Variants in CELF4 observed in about 807,000 individuals in gnomAD.
CELF4 encodes the protein CUGBP Elav-like family member 4.
In CELF4, 18 loss-of-function variants were observed where a neutral mutation model predicts 59.9. The observed-to-expected ratio is 0.30, with a 90% CI of 0.21 to 0.45. The LOEUF (loss-of-function observed/expected upper bound fraction) is 0.45, where lower values mean the gene tolerates loss of function less well. Among genes scored for constraint, CELF4 ranks in the 20% least tolerant of loss-of-function variants. CELF4 has a pLI of 1.00. For missense variants in CELF4, 456 were observed against 689.0 expected (o/e 0.66, Z 3.79); for synonymous variants, 261 against 267.1 (o/e 0.98, Z 0.22).
intron 2 of CELF4, among the ~76,000 whole-genome samples, chr18:37,427,390 C>T (rs909108487): frequency 6.6e-6 from 1 of 152,166 alleles, no homozygotes; most frequent in Admixed American, 6.5e-5. Flanking sequence ...CCCAGCTCTC[C>T]CCAGGGCTGC....
intron 1 of CELF4, among the ~76,000 whole-genome samples, chr18:37,540,254 C>T (rs2099976825): frequency 6.6e-6 from 1 of 152,248 alleles, no homozygotes; most frequent in South Asian, 2.1e-4. Context: ...AGGGTCCTCC[C>T]GTCCACTGGC....
chr18:37,252,295 T>C (rs747704867), intron 12 of CELF4, among the ~76,000 whole-genome samples: 3 of 152,106 alleles, frequency 2.0e-5, no homozygotes, highest in Non-Finnish European at 2.9e-5. Context: ...ACCTAGAAAT[T>C]AATTCCTTCA....
At chr18:37,426,338 G>A (rs1441022027) in intron 2 of CELF4, among the ~76,000 whole-genome samples, 1 of 152,270 alleles carries the variant, frequency 6.6e-6, no homozygotes, top group East Asian at 1.9e-4. Flanking sequence ...GCATTGACCT[G>A]GGTGCCTGCC....
chr18:37,416,680 A>G (rs191702809), intron 2 of CELF4, among the ~76,000 whole-genome samples: 257 of 152,282 alleles, frequency 1.7e-3, no homozygotes, highest in Non-Finnish European at 2.4e-3. Flanking sequence ...CTTCTCATGC[A>G]TCAAGCCCAG....
At chr18:37,257,752 C>T (rs1490683473) in intron 11 of CELF4, among the ~76,000 whole-genome samples, 1 of 152,140 alleles carries the variant, frequency 6.6e-6, no homozygotes, top group Non-Finnish European at 1.5e-5. Flanking sequence ...GGGGGTCAGC[C>T]TGGAGATACT....
At chr18:37,467,974 T>A (rs183266685) in intron 2 of CELF4, among the ~76,000 whole-genome samples, 1 of 151,974 alleles carries the variant, frequency 6.6e-6, no homozygotes, top group South Asian at 2.1e-4. Flanking sequence ...CTCTGTTGTG[T>A]GTATGTGCGT....
At chr18:37,304,211 G>A (rs534451012) in intron 3 of CELF4, among the ~76,000 whole-genome samples, 2 of 152,196 alleles carry the variant, frequency 1.3e-5, no homozygotes, top group East Asian at 1.9e-4. Flanking sequence ...ATTCTTTGCC[G>A]GAAGCATCGC....
intron 2 of CELF4, among the ~76,000 whole-genome samples, chr18:37,354,399 G>A (rs960883075): frequency 3.3e-5 from 5 of 152,120 alleles, no homozygotes; most frequent in Admixed American, 2.6e-4. Context: ...GGTGGGGGGC[G>A]CAGAGGGCCT....
chr18:37,444,832 T>A (rs181735143), intron 2 of CELF4, among the ~76,000 whole-genome samples: 33 of 152,246 alleles, frequency 2.2e-4, no homozygotes, highest in Non-Finnish European at 3.7e-4. Context: ...CGGAGTAAGA[T>A]TCTGAGAGAC....
intron 2 of CELF4, among the ~76,000 whole-genome samples, chr18:37,460,495 AAC>A (rs2154602126): frequency 6.6e-6 from 1 of 152,298 alleles, no homozygotes; most frequent in East Asian, 1.9e-4. Flanking sequence ...CAGCTTGTGG[AAC>A]ACAGAATGGT....
At chr18:37,394,853 C>A (rs2099220977) in intron 2 of CELF4, among the ~76,000 whole-genome samples, 1 of 152,126 alleles carries the variant, frequency 6.6e-6, no homozygotes, top group Admixed American at 6.5e-5. Flanking sequence ...CTCCTAGGCC[C>A]TAGGCTGTGT....
intron 2 of CELF4, among the ~76,000 whole-genome samples, chr18:37,381,820 T>C (rs887819203): frequency 9.9e-5 from 15 of 152,144 alleles, no homozygotes; most frequent in Admixed American, 7.2e-4. Flanking sequence ...TGAGAATTCC[T>C]AGCAAGTTCC....
chr18:37,298,477 T>C (rs369917804), intron 3 of CELF4, among the ~76,000 whole-genome samples: 1 of 152,158 alleles, frequency 6.6e-6, no homozygotes, highest in East Asian at 1.9e-4. Context: ...CCCAGCACTT[T>C]GGGAGGCCGA....
At chr18:37,511,644 G>T (rs913159127) in intron 1 of CELF4, among the ~76,000 whole-genome samples, 1 of 151,780 alleles carries the variant, frequency 6.6e-6, no homozygotes, top group African/African-American at 2.4e-5. Context: ...TTCTTCATCT[G>T]TGCATCCATG....
chr18:37,473,587 G>A (rs931864442), intron 2 of CELF4: 4 of 152,362 alleles, frequency 2.6e-5, no homozygotes, highest in African/African-American at 4.8e-5. Flanking sequence ...AACATGCAGA[G>A]TTAGCAGTGC....
chr18:37,463,982 C>A (rs1226087002), intron 2 of CELF4, among the ~76,000 whole-genome samples: 1 of 152,132 alleles, frequency 6.6e-6, no homozygotes, highest in African/African-American at 2.4e-5. Context: ...GTATACCACA[C>A]CTGCCACCCG....
intron 2 of CELF4, among the ~76,000 whole-genome samples, chr18:37,325,028 G>A (rs946872678): frequency 5.3e-5 from 8 of 152,148 alleles, no homozygotes; most frequent in South Asian, 4.1e-4. Flanking sequence ...GAGTGTGGGG[G>A]AAAGAGAGGA....
At chr18:37,424,579 G>A (rs2099600214) in intron 2 of CELF4, among the ~76,000 whole-genome samples, 1 of 152,184 alleles carries the variant, frequency 6.6e-6, no homozygotes, top group African/African-American at 2.4e-5. Context: ...TATTTTGCAT[G>A]CTGGTAACTG....
Position 37,413,810 on chromosome 18 carries a change from G to C in CELF4, c.369+71715C>G, listed in dbSNP as rs186763607. Among the ~76,000 whole-genome samples the C allele has an allele frequency of 1.1e-3, 173 of 152,306 alleles. 1 individual carries two copies. Among genetic ancestry groups the C allele is most frequent in the Non-Finnish European group, 1.3e-3 (90 of 68,024 alleles). On this transcript the variant is annotated intron_variant, in intron 2 of 12. Transcript: ENST00000420428. ...CCTCCCTTATGTGCAGTGCCCTCTG[G>C]TGTGAAGGAAGAACTGCAATATGGT...
Sources: gnomAD v4.1 joint callset for allele counts (sites outside exome capture counted in the v4.1 genomes callset) on GRCh38, gnomAD v4.1.1 for gene constraint, MANE v1.5 for transcripts, NCBI Gene and HGNC (gene_info 2026-07-23, HGNC 2026-07-21) for gene names.